ANKFN1: variants seen among roughly 807,000 people sequenced by gnomAD.
The protein encoded by ANKFN1 is ankyrin repeat and fibronectin type-III domain-containing protein 1.
In ANKFN1, 74 loss-of-function variants were observed where a neutral mutation model predicts 108.7. The observed-to-expected ratio is 0.68, with a 90% CI of 0.56 to 0.83. ANKFN1 has a LOEUF of 0.83. Among genes scored for constraint, ANKFN1 ranks in the 40% least tolerant of loss-of-function variants. ANKFN1 has a pLI of 0.00. For synonymous variants in ANKFN1, 547 were observed against 516.2 expected, an observed-to-expected ratio of 1.06 and a Z score of -0.81; for missense variants, 1,505 against 1,382.3, an observed-to-expected ratio of 1.09 and a Z score of -1.41.
intron 8 of ANKFN1, among the ~76,000 whole-genome samples, chr17:56,382,487 T>C (rs1328274893): frequency 5.9e-5 from 9 of 152,128 alleles, no homozygotes; most frequent in Admixed American, 5.9e-4. Flanking sequence ...CAATATTAAC[T>C]TTAAATGTAA....
At chr17:56,316,286 T>A (rs1271422201) in intron 3 of ANKFN1, among the ~76,000 whole-genome samples, 3 of 152,190 alleles carry the variant, frequency 2.0e-5, no homozygotes. Flanking sequence ...CTCACTGTGA[T>A]TAATTACAAA....
rs192864372 is a variant in ANKFN1, at chr17:56,122,195, C to G, written c.288+75870C>G. On this transcript the variant is annotated intron_variant, in intron 4 of 12. Coordinates refer to the ANKFN1 transcript ENST00000635860. ...GGAGGAAGATATAGGGAGATATATTCTCAGTAAAATATCATCTAAGTTTTA... is the reference window on the plus strand; with the variant it reads ...GGAGGAAGATATAGGGAGATATATTGTCAGTAAAATATCATCTAAGTTTTA... Among the ~76,000 whole-genome samples, 3 of 152,278 alleles carry G rather than the reference C, an allele frequency of 2.0e-5. No individual in the cohort carries two copies. In the East Asian group the frequency reaches 5.8e-4, roughly 29 times the overall value.
intron 3 of ANKFN1, among the ~76,000 whole-genome samples, chr17:56,284,727 A>G (rs2044172640): frequency 2.6e-5 from 4 of 152,222 alleles, no homozygotes; most frequent in Non-Finnish European, 1.5e-5. Flanking sequence ...CCACTCCACA[A>G]AAGAGGTGAG....
chr17:56,365,977 G>A (rs1322896787), intron 6 of ANKFN1, among the ~76,000 whole-genome samples: 1 of 152,082 alleles, frequency 6.6e-6, no homozygotes, highest in African/African-American at 2.4e-5. Flanking sequence ...TCCTTCAGGA[G>A]GTACTCTAGA....
chr17:56,273,815 A>G (rs2043850043), intron 3 of ANKFN1, among the ~76,000 whole-genome samples: 1 of 152,230 alleles, frequency 6.6e-6, no homozygotes, highest in South Asian at 2.1e-4. Flanking sequence ...CTATATAGTA[A>G]GGTTAGGACA....
rs2048335793 is a variant in ANKFN1 at position 56,419,490 on chromosome 17, A to G, written c.911-20837A>G. On this transcript the variant is annotated intron_variant, in intron 8 of 20. Transcript: ENST00000682825. ...AAGAGTGAAACTCCATCTCAAAAAA[A>G]AAAAAAAGAGATATAAATTTGGGTC... is the stretch of plus-strand genomic sequence containing the variant. Among the ~76,000 whole-genome samples, 3 of 150,712 alleles carry G rather than the reference A, an allele frequency of 2.0e-5. No individual in the cohort carries two copies. The South Asian group carries it at 6.3e-4, about 32-fold the overall frequency.
chr17:56,408,611 T>C (rs1020759980), intron 8 of ANKFN1, among the ~76,000 whole-genome samples: 13 of 152,222 alleles, frequency 8.5e-5, no homozygotes, highest in African/African-American at 3.1e-4. Flanking sequence ...TGGTCAGAGA[T>C]ACTAAGGTTA....
intron 3 of ANKFN1, among the ~76,000 whole-genome samples, chr17:56,259,348 G>A (rs17821183): frequency 0.034 from 5,211 of 152,274 alleles, 148 homozygotes; most frequent in Middle Eastern, 0.058. Context: ...TGGCTGCTAC[G>A]TTAGGACTGC....
At chr17:56,480,184 A>G (rs2050648233) in intron 16 of ANKFN1, among the ~76,000 whole-genome samples, 1 of 152,172 alleles carries the variant, frequency 6.6e-6, no homozygotes, top group Non-Finnish European at 1.5e-5. Context: ...AGCTTTTGGA[A>G]GGAGAGAAAA....
intron 3 of ANKFN1, among the ~76,000 whole-genome samples, chr17:56,323,931 C>T (rs776649180): frequency 6.6e-6 from 1 of 152,118 alleles, no homozygotes; most frequent in African/African-American, 2.4e-5. Flanking sequence ...AGGTGTCGTG[C>T]TTTCAGACCA....
chr17:56,153,430 A>C, upstream of ANKFN1: 1 of 1,560,254 alleles, frequency 6.4e-7, no homozygotes, highest in Non-Finnish European at 8.8e-7. Flanking sequence ...TGGCAACGGG[A>C]CCGTGTGGAC....
At chr17:56,085,800 G>T (rs115568667) in intron 4 of ANKFN1, among the ~76,000 whole-genome samples, 4,154 of 151,420 alleles carry the variant, frequency 0.027, 287 homozygotes, top group African/African-American at 0.095. Context: ...ACATGATGAT[G>T]TCATTCTTGA....
chr17:56,228,188 G>C, intron 3 of ANKFN1: 1 of 448,574 alleles, frequency 2.2e-6, no homozygotes, highest in South Asian at 4.6e-5. Context: ...TACGTCTAAA[G>C]GTAGATAAAA....
At chr17:56,463,302 G>A (rs1307998500) in intron 14 of ANKFN1, among the ~76,000 whole-genome samples, 2 of 152,112 alleles carry the variant, frequency 1.3e-5, no homozygotes, top group Non-Finnish European at 2.9e-5. Context: ...ATAGGAAGTA[G>A]CAGATTCTAG....
intron 4 of ANKFN1, among the ~76,000 whole-genome samples, chr17:56,138,341 C>T (rs777066902): frequency 1.3e-5 from 2 of 152,072 alleles, no homozygotes; most frequent in Non-Finnish European, 2.9e-5. Context: ...TATTTGCTGA[C>T]CACTGGAGAC....
At chr17:56,471,993 G>A (rs528703706) in intron 15 of ANKFN1, 2 of 152,288 alleles carry the variant, frequency 1.3e-5, no homozygotes, top group East Asian at 1.9e-4. Context: ...AAGTGAATAC[G>A]CTAAAACCAC....
intron 6 of ANKFN1, among the ~76,000 whole-genome samples, chr17:56,368,881 C>T (rs1265727181): frequency 2.6e-5 from 4 of 152,134 alleles, no homozygotes; most frequent in Non-Finnish European, 4.4e-5. Context: ...TGTGTTCTGT[C>T]GCCAACTGAA....
chr17:56,412,152 T>C (rs2048111324), intron 8 of ANKFN1, among the ~76,000 whole-genome samples: 1 of 152,220 alleles, frequency 6.6e-6, no homozygotes, highest in South Asian at 2.1e-4. Context: ...TTAATTCAAT[T>C]TCCATACTCA....
chr17:56,314,368 C>A lies in ANKFN1; in HGVS notation c.54-11853C>A, dbSNP rs868222191. ...GTCAAACAGTTCTCCAAAGGTATAC[C>A]ATTTTATACTCCAATCAGCAACCTA... On this transcript the variant is annotated intron_variant, in intron 3 of 20. Transcript: ENST00000682825. 1.3e-4 allele frequency among the ~76,000 whole-genome samples: 20 copies of A among 152,196 alleles called. 1 individual carries two copies. Among genetic ancestry groups the A allele is most frequent in the South Asian group, 6.2e-4 (3 of 4,818 alleles).
Sources: gnomAD v4.1 joint callset for allele counts (sites outside exome capture counted in the v4.1 genomes callset) on GRCh38, gnomAD v4.1.1 for gene constraint, MANE v1.5 for transcripts, NCBI Gene and HGNC (gene_info 2026-07-23, HGNC 2026-07-21) for gene names.